Variants in CORO2B observed in about 807,000 individuals in gnomAD.
CORO2B encodes the protein coronin-2B.
A neutral mutation model predicts 58.8 loss-of-function variants in CORO2B; 26 were observed. The observed-to-expected ratio is 0.44, with a 90% CI of 0.32 to 0.61. The LOEUF is 0.61. CORO2B is among the 20% of genes least tolerant of loss of function. The probability of loss-of-function intolerance (pLI) is 0.04; values close to 1 mark genes in which losing one functional copy is unlikely to be tolerated. For synonymous variants in CORO2B, 242 were observed against 253.8 expected (o/e 0.95, Z 0.44); for missense variants, 460 against 645.1 (o/e 0.71, Z 3.11).
intron 1 of CORO2B, among the ~76,000 whole-genome samples, chr15:68,585,102 A>T (rs1367976522): frequency 2.0e-5 from 3 of 152,120 alleles, no homozygotes; most frequent in Admixed American, 2.0e-4. Flanking sequence ...TAGCAATGGG[A>T]GGCTCCCAGG....
chr15:68,698,996 G>GGA (rs1478091980), intron 3 of CORO2B, among the ~76,000 whole-genome samples: 1 of 152,194 alleles, frequency 6.6e-6, no homozygotes, highest in Admixed American at 6.5e-5. Context: ...GAGGAGAAGA[G>GGA]GTAGTTAGCT....
At position 68,606,684 on chromosome 15, in the gene CORO2B, C is replaced by A. The variant is rs114370111; in HGVS notation, c.15+27407C>A. On this transcript the variant is annotated intron_variant, in intron 1 of 11. Transcript: ENST00000261861. ...AAAGGATGAGGATATTTTGCTAGCT[C>A]ATGGGTAGAGTGGGGGCAGAGTATT... 6.0e-3 allele frequency among the ~76,000 whole-genome samples: 907 copies of A among 152,268 alleles called. 8 individuals are homozygous for A. The highest frequency in any genetic ancestry group is 0.021 in the African/African-American group (854 of 41,542).
intron 11 of CORO2B, among the ~76,000 whole-genome samples, chr15:68,723,033 C>G (rs908932043): frequency 6.6e-6 from 1 of 151,706 alleles, no homozygotes; most frequent in Admixed American, 6.6e-5. Context: ...CACCATTGCA[C>G]TCCAGCCTGG....
chr15:68,615,632 A>T (rs569386659), intron 1 of CORO2B, among the ~76,000 whole-genome samples: 2 of 152,280 alleles, frequency 1.3e-5, no homozygotes, highest in South Asian at 4.2e-4. Context: ...AATCATGAAG[A>T]TTAAGGCCTC....
At chr15:68,684,717 T>G (rs1001831577) in intron 2 of CORO2B, among the ~76,000 whole-genome samples, 8 of 152,312 alleles carry the variant, frequency 5.3e-5, no homozygotes, top group African/African-American at 1.9e-4. Flanking sequence ...CAGGGGCAAG[T>G]GTCCTTATTT....
At chr15:68,579,403 CCT>C in intron 1 of CORO2B, 126 bp downstream of exon 1, 2 of 968,884 alleles carry the variant, frequency 2.1e-6, no homozygotes, top group Non-Finnish European at 1.3e-6. Flanking sequence ...GCGGCGCGCG[CCT>C]CTCTTGCTGC....
the CORO2B span, among the ~76,000 whole-genome samples, chr15:68,568,072 G>A: frequency 6.6e-5 from 10 of 152,180 alleles, no homozygotes; most frequent in African/African-American, 2.4e-4. Context: ...TTGTTATTGT[G>A]AGGCCAATCC....
chr15:68,710,621 T>G lies in CORO2B; in HGVS notation c.334-111T>G, dbSNP rs1045783689. ...TTGCCCATCGCCTCAAGCCAGGAGGTGGCTCATCAGGCAGATCTCAGAAAG... is the reference window on the plus strand; with the variant it reads ...TTGCCCATCGCCTCAAGCCAGGAGGGGGCTCATCAGGCAGATCTCAGAAAG... On this transcript the variant is annotated intron_variant, in intron 3 of 11. Coordinates refer to ENST00000261861, the MANE Select transcript of CORO2B (RefSeq NM_006091.5). The surrounding 1 kb of genome is among the most constrained non-coding windows in gnomAD (Gnocchi z 4.1). The G allele has an allele frequency of 2.3e-6, 3 of 1,279,762 alleles. No homozygotes were observed. The African/African-American group carries it at 4.5e-5, about 19-fold the overall frequency. The allele number at this position is 1,279,762 out of a possible 1,614,324, so 79.3% of individuals were successfully genotyped here.
intron 1 of CORO2B, among the ~76,000 whole-genome samples, chr15:68,584,568 G>T (rs1203046138): frequency 6.6e-6 from 1 of 152,206 alleles, no homozygotes. Context: ...AGCAGACACA[G>T]CCTCCGCCAG....
At chr15:68,565,826 C>T in the CORO2B span, among the ~76,000 whole-genome samples, 7 of 152,372 alleles carry the variant, frequency 4.6e-5, 1 homozygote, top group Admixed American at 4.6e-4. Context: ...TGCTGGAGCA[C>T]CTCAGCCTTT....
At chr15:68,563,254 C>T in the CORO2B span, among the ~76,000 whole-genome samples, 1 of 151,704 alleles carries the variant, frequency 6.6e-6, no homozygotes, top group Non-Finnish European at 1.5e-5. Context: ...TTGGGAGGCC[C>T]AGACAGGAGG....
At chr15:68,623,262 T>C (rs1900576150) in intron 1 of CORO2B, among the ~76,000 whole-genome samples, 1 of 152,232 alleles carries the variant, frequency 6.6e-6, no homozygotes, top group Non-Finnish European at 1.5e-5. Flanking sequence ...GGCCCGGCTC[T>C]TTTAAGCCCG....
chr15:68,619,448 C>G (rs1453452146), intron 1 of CORO2B, among the ~76,000 whole-genome samples: 1 of 152,178 alleles, frequency 6.6e-6, no homozygotes. Flanking sequence ...GAGGGCTGGA[C>G]TGTCTTATCA....
rs376201699 is a variant in CORO2B at position 68,718,820 on chromosome 15, G to C, written c.1080+10G>C. 6.2e-7 allele frequency: 1 copy of C among 1,606,154 alleles called. No homozygotes were observed. The highest frequency in any genetic ancestry group is 8.5e-7 in the Non-Finnish European group (1 of 1,173,174). On this transcript the variant is annotated intron_variant, in intron 9 of 11. Coordinates refer to ENST00000261861, the MANE Select transcript of CORO2B (RefSeq NM_006091.5). The stretch of plus-strand genomic sequence containing the variant: ...GATCGTGCCCCGGAGGGTAAGTGGG[G>C]CTGGGCTGGGCTCCAGGAGGGGGGC...
Position 68,657,517 on chromosome 15 carries a change from C to CAAA in CORO2B, c.216+12174_216+12176dup, listed in dbSNP as rs373642309. The stretch of plus-strand genomic sequence containing the variant: ...TAGGTGACAAAATGAGATCCTGTCT[C>CAAA]AAAAAAAAAAAAAAAAAAAGGAAAT... On this transcript the variant is annotated intron_variant, in intron 2 of 11. Coordinates refer to ENST00000261861, the MANE Select transcript of CORO2B (RefSeq NM_006091.5). Among the ~76,000 whole-genome samples, 508 of 86,824 alleles carry CAAA rather than the reference C, an allele frequency of 5.9e-3. 9 individuals carry two copies. The highest frequency in any genetic ancestry group is 0.01 in the East Asian group (30 of 2,972). 57.0% of individuals were successfully genotyped at this position (86,824 alleles called of 152,430 possible).
At chr15:68,599,738 C>T (rs1385770974) in intron 1 of CORO2B, among the ~76,000 whole-genome samples, 3 of 152,194 alleles carry the variant, frequency 2.0e-5, no homozygotes, top group Non-Finnish European at 4.4e-5. Context: ...AGTGTGCCCT[C>T]CCCAGGCTCT....
Position 68,726,127 on chromosome 15 carries a change from A to T in CORO2B, c.*153A>T. ...CTACCACCTCGAGAACTGGAAGCCA[A>T]CCTCTAACCTCCTGACCTCATGCTA... On this transcript the variant is annotated 3_prime_UTR_variant, in exon 12 of 12. Coordinates refer to ENST00000261861, the MANE Select transcript of CORO2B (RefSeq NM_006091.5). 1.1e-6 allele frequency: 1 copy of T among 947,170 alleles called. No homozygotes were observed. Among genetic ancestry groups the T allele is most frequent in the Non-Finnish European group, 1.6e-6 (1 of 635,980 alleles). The allele number at this position is 947,170 out of a possible 1,614,324, so 58.7% of individuals were successfully genotyped here.
intron 2 of CORO2B, among the ~76,000 whole-genome samples, chr15:68,688,214 TA>T (rs1170791617): frequency 1.3e-5 from 2 of 152,252 alleles, no homozygotes; most frequent in Admixed American, 1.3e-4. Flanking sequence ...TCTGTTTTTT[TA>T]ATAACAATTT....
intron 1 of CORO2B, among the ~76,000 whole-genome samples, chr15:68,592,867 G>A (rs983354524): frequency 1.3e-5 from 2 of 152,226 alleles, no homozygotes; most frequent in Non-Finnish European, 2.9e-5. Context: ...ACCTGGTGAG[G>A]TTTAAATGCC....
Sources: gnomAD v4.1 joint callset for allele counts (sites outside exome capture counted in the v4.1 genomes callset) on GRCh38, gnomAD v4.1.1 for gene constraint, Gnocchi (gnomAD v3.1) non-coding constraint, MANE v1.5 for transcripts, NCBI Gene and HGNC (gene_info 2026-07-23, HGNC 2026-07-21) for gene names.